The following GNB4 variants were observed in gnomAD, a reference collection of about 807,000 sequenced individuals.
GNB4 encodes G protein subunit beta 4.
Under a neutral mutation model 45.2 loss-of-function variants are expected in GNB4, and 28 were observed. The ratio of observed to expected loss-of-function variants is 0.62; its 90% CI spans 0.46 to 0.85. The LOEUF (loss-of-function observed/expected upper bound fraction) is 0.85. Ranked by LOEUF, GNB4 falls within the 40% of genes least tolerant of loss-of-function variation. GNB4 has a pLI of 0.00. For missense variants in GNB4, 321 were observed against 425.4 expected, an observed-to-expected ratio of 0.75 and a Z score of 2.16; for synonymous variants, 132 against 143.7, an observed-to-expected ratio of 0.92 and a Z score of 0.58.
the GNB4 span, among the ~76,000 whole-genome samples, chr3:179,479,973 C>A: frequency 6.6e-6 from 1 of 152,200 alleles, no homozygotes; most frequent in Non-Finnish European, 1.5e-5. Flanking sequence ...AATGTCAGCT[C>A]TTCCTTGTGA....
In GNB4 at chr3:179,405,253, A is replaced by C. The variant is rs554623238; in HGVS notation, c.853T>G (p.Leu285Val). ...SVAFSKSGRL[L>V]LAGYDDFNCN... is the part of the protein sequence containing the mutation. ...TTAAAGTCATCGTAACCAGCCAACA[A>C]GAGACGCCCACTTTTTGAGAAGGCT... Residue 285 changes from leucine (L) to valine (V), a missense_variant, in exon 9 of 10, where the codon TTG becomes GTG. Physicochemically the swap from Leu to Val is conservative, Grantham distance 32 (BLOSUM62 1). Coordinates refer to ENST00000232564, the MANE Select transcript of GNB4 (RefSeq NM_021629.4). The C allele has an allele frequency of 4.5e-5, 72 of 1,614,208 alleles. No individual in the cohort carries two copies. In the African/African-American group the frequency reaches 7.9e-4, roughly 18 times the overall value.
the GNB4 span, among the ~76,000 whole-genome samples, chr3:179,498,782 T>A: frequency 6.7e-6 from 1 of 149,908 alleles, no homozygotes; most frequent in African/African-American, 2.5e-5. Context: ...CTTTCTTTAT[T>A]ATATTTTAAG....
chr3:179,446,913 T>C (rs1475450312), intron 1 of GNB4, among the ~76,000 whole-genome samples: 1 of 152,208 alleles, frequency 6.6e-6, no homozygotes, highest in Non-Finnish European at 1.5e-5. Context: ...GTCCCGACCA[T>C]GTGCCAAACA....
chr3:179,484,642 T>G, the GNB4 span, among the ~76,000 whole-genome samples: 1 of 152,164 alleles, frequency 6.6e-6, no homozygotes, highest in African/African-American at 2.4e-5. Context: ...TTCATTGTTT[T>G]TAAATGGCCC....
the GNB4 span, among the ~76,000 whole-genome samples, chr3:179,513,442 C>A: frequency 2.6e-5 from 4 of 152,072 alleles, no homozygotes; most frequent in African/African-American, 9.7e-5. Flanking sequence ...CCTTGGCTTC[C>A]CAGAATGTTG....
At chr3:179,468,804 C>G in the GNB4 span, among the ~76,000 whole-genome samples, 1 of 152,168 alleles carries the variant, frequency 6.6e-6, no homozygotes, top group East Asian at 1.9e-4. Flanking sequence ...AATTTACATT[C>G]TATAAAGAAT....
chr3:179,435,912 T>G (rs1715434090), intron 1 of GNB4, among the ~76,000 whole-genome samples: 1 of 152,208 alleles, frequency 6.6e-6, no homozygotes, highest in Non-Finnish European at 1.5e-5. Context: ...ACTCCATGTC[T>G]TAGAATGTCC....
rs534449892 is a variant in GNB4, at chr3:179,400,282, C to T, written c.*931G>A. On this transcript the variant is annotated 3_prime_UTR_variant, in exon 10 of 10. Coordinates refer to ENST00000232564, the MANE Select transcript of GNB4 (RefSeq NM_021629.4). ...CACTTCTCTCCAAATGTAACACTGT[C>T]ACATTGCATTTCCTCTCTAGATGTA... is the stretch of plus-strand genomic sequence containing the variant. The T allele has an allele frequency of 2.6e-5, 4 of 152,326 alleles. No homozygotes were observed. In the East Asian group the frequency reaches 7.7e-4, roughly 29 times the overall value. The allele number at this position is 152,326 out of a possible 1,614,324, so 9.4% of individuals were successfully genotyped here. A position where few individuals can be genotyped will look rare whatever the true frequency, so the allele number is the denominator to read the frequency against.
At chr3:179,499,400 C>G in the GNB4 span, among the ~76,000 whole-genome samples, 1 of 152,216 alleles carries the variant, frequency 6.6e-6, no homozygotes, top group South Asian at 2.1e-4. Context: ...ACCTTGTGAT[C>G]CACCCGCCTT....
At chr3:179,486,275 A>G in the GNB4 span, among the ~76,000 whole-genome samples, 2 of 151,466 alleles carry the variant, frequency 1.3e-5, no homozygotes, top group African/African-American at 4.8e-5. Context: ...CCTTTCCTCC[A>G]GTAATTGTAA....
intron 5 of GNB4, among the ~76,000 whole-genome samples, 167 bp downstream of exon 5, chr3:179,416,326 T>C (rs1416242693): frequency 6.6e-6 from 1 of 152,154 alleles, no homozygotes; most frequent in Non-Finnish European, 1.5e-5. Context: ...GAAAAAGGGT[T>C]AAACATTAAA....
chr3:179,464,423 C>T, the GNB4 span: 1 of 1,469,456 alleles, frequency 6.8e-7, no homozygotes, highest in East Asian at 2.3e-5. Context: ...TCTGCCCTCG[C>T]CCCTTCCACC....
intron 1 of GNB4, among the ~76,000 whole-genome samples, chr3:179,430,447 A>T (rs1484955348): frequency 6.6e-6 from 1 of 151,300 alleles, no homozygotes; most frequent in Non-Finnish European, 1.5e-5. Flanking sequence ...CAATTCCTCC[A>T]CTGGTGATTC....
the GNB4 span, among the ~76,000 whole-genome samples, chr3:179,498,874 G>C: frequency 6.7e-6 from 1 of 150,328 alleles, no homozygotes; most frequent in African/African-American, 2.4e-5. Context: ...CCATCAACCC[G>C]TCATCTATAT....
At chr3:179,473,114 G>T in the GNB4 span, among the ~76,000 whole-genome samples, 7 of 152,172 alleles carry the variant, frequency 4.6e-5, no homozygotes, top group Non-Finnish European at 8.8e-5. Flanking sequence ...AGTGAGCCGA[G>T]ATCCTGCCAC....
chr3:179,421,606 G>A lies in GNB4; in HGVS notation c.58-679C>T, dbSNP rs1348898635. On this transcript the variant is annotated intron_variant, in intron 2 of 9. Coordinates refer to ENST00000232564, the MANE Select transcript of GNB4 (RefSeq NM_021629.4). ...GTGTTTAAGTACTTGCATAGTCCTG[G>A]GCAAGGAGAACGCACAAGATGTTTG... Among the ~76,000 whole-genome samples the A allele has an allele frequency of 3.3e-5, 5 of 152,068 alleles. No homozygotes were observed. In the East Asian group the frequency reaches 9.6e-4, roughly 29 times the overall value.
intron 1 of GNB4, among the ~76,000 whole-genome samples, chr3:179,445,638 A>G (rs758127451): frequency 6.6e-6 from 1 of 152,218 alleles, no homozygotes; most frequent in Non-Finnish European, 1.5e-5. Flanking sequence ...TCATTAACCA[A>G]TTGTATATAT....
At chr3:179,481,064 A>G in the GNB4 span, among the ~76,000 whole-genome samples, 2 of 151,818 alleles carry the variant, frequency 1.3e-5, no homozygotes, top group South Asian at 2.1e-4. Context: ...TGTTAGCCAG[A>G]ATGGTCTCAA....
At chr3:179,473,036 G>A in the GNB4 span, among the ~76,000 whole-genome samples, 7 of 152,142 alleles carry the variant, frequency 4.6e-5, no homozygotes, top group South Asian at 4.1e-4. Flanking sequence ...GGTGGCACAC[G>A]CCTGTAGTCC....
Sources: allele counts gnomAD v4.1 joint callset (sites outside exome capture counted in the v4.1 genomes callset), GRCh38; gene constraint gnomAD v4.1.1; transcripts MANE v1.5; gene names NCBI Gene and HGNC (gene_info 2026-07-23, HGNC 2026-07-21).